The following WWOX variants were observed in gnomAD, a reference collection of about 807,000 sequenced individuals.
WWOX encodes WW domain containing oxidoreductase, also known as WW domain-containing oxidoreductase.
WWOX carries 69 observed loss-of-function variants against 46.2 expected under a neutral mutation model. That is an observed-to-expected ratio of 1.49 (90% CI 1.23 to 1.82). WWOX has a LOEUF of 1.82. Among genes scored for constraint, WWOX ranks in the 40% most tolerant of loss-of-function variants. The pLI is 0.00. For synonymous variants in WWOX, 359 were observed against 202.6 expected (o/e 1.77, Z -6.56); for missense variants, 919 against 542.6 (o/e 1.69, Z -6.89).
chr16:79,162,628 T>C (rs774953688), intron 8 of WWOX, among the ~76,000 whole-genome samples: 1 of 152,210 alleles, frequency 6.6e-6, no homozygotes, highest in Non-Finnish European at 1.5e-5. Flanking sequence ...GCAAACAGTT[T>C]GCCCTTGGAC....
intron 8 of WWOX, among the ~76,000 whole-genome samples, chr16:78,653,872 A>C (rs1024074316): frequency 1.3e-5 from 2 of 152,236 alleles, no homozygotes; most frequent in Non-Finnish European, 2.9e-5. Flanking sequence ...GGTTTGAATC[A>C]CGTTGTCTAT....
chr16:78,735,230 C>G (rs965740691), intron 8 of WWOX, among the ~76,000 whole-genome samples: 6 of 152,044 alleles, frequency 3.9e-5, no homozygotes, highest in African/African-American at 7.2e-5. Context: ...GTGTTTTGAT[C>G]TTGCTGGAGT....
chr16:78,713,875 G>C (rs965878334), intron 8 of WWOX, among the ~76,000 whole-genome samples: 6 of 152,188 alleles, frequency 3.9e-5, no homozygotes, highest in African/African-American at 1.4e-4. Context: ...GTCCTGATCT[G>C]AATATGATTT....
At chr16:78,280,703 A>G (rs1056695058) in intron 5 of WWOX, 2 of 152,150 alleles carry the variant, frequency 1.3e-5, no homozygotes, top group Non-Finnish European at 2.9e-5. Flanking sequence ...TTTCCTGTTT[A>G]GGAAAAAAAA....
intron 5 of WWOX, among the ~76,000 whole-genome samples, chr16:78,187,228 C>T (rs1597326894): frequency 6.6e-6 from 1 of 152,138 alleles, no homozygotes; most frequent in African/African-American, 2.4e-5. Context: ...TTTGCCCATC[C>T]AACCCACCCT....
intron 4 of WWOX, chr16:78,119,022 G>C (rs1362130791): frequency 6.6e-6 from 1 of 152,194 alleles, no homozygotes; most frequent in Non-Finnish European, 1.5e-5. Context: ...GTGGAGATCA[G>C]CATCTCAGTA....
At chr16:78,486,938 C>G (rs2084653045) in intron 8 of WWOX, among the ~76,000 whole-genome samples, 1 of 152,188 alleles carries the variant, frequency 6.6e-6, no homozygotes, top group Non-Finnish European at 1.5e-5. Context: ...CTAATGCAGG[C>G]TCATTCCTAA....
intron 8 of WWOX, among the ~76,000 whole-genome samples, chr16:79,093,616 G>C (rs531708090): frequency 6.6e-6 from 1 of 152,274 alleles, no homozygotes; most frequent in East Asian, 1.9e-4. Context: ...GGTGCAGGGT[G>C]GCCCATTGGC....
At chr16:78,181,526 T>A (rs1325157955) in intron 5 of WWOX, among the ~76,000 whole-genome samples, 2 of 152,150 alleles carry the variant, frequency 1.3e-5, no homozygotes, top group African/African-American at 2.4e-5. Context: ...TTAATGAAAC[T>A]AAGGCCGGAG....
chr16:78,509,425 C>T lies in WWOX; in HGVS notation c.1056+76673C>T, dbSNP rs112545609. 3.9e-3 allele frequency among the ~76,000 whole-genome samples: 534 copies of T among 137,258 alleles called. 3 individuals are homozygous for T. Among genetic ancestry groups the T allele is most frequent in the African/African-American group, 0.013 (510 of 37,972 alleles). The allele number at this position is 137,258 out of a possible 152,430, so 90.0% of individuals were successfully genotyped here. A position where few individuals can be genotyped will look rare whatever the true frequency, so the allele number is the denominator to read the frequency against. ...CTGCATTCCAGCATTGGTGACAGAG[C>T]GAGACTCAGTCTCAAAAAAAAAAAA... On this transcript the variant is annotated intron_variant, in intron 8 of 8. Transcript: ENST00000566780.
chr16:79,000,055 C>G (rs1249511716), intron 8 of WWOX, among the ~76,000 whole-genome samples: 1 of 152,088 alleles, frequency 6.6e-6, no homozygotes, highest in Non-Finnish European at 1.5e-5. Flanking sequence ...GCGAAAGGGT[C>G]TCTTCAGGCT....
chr16:78,882,837 A>AT (rs2044372200), intron 8 of WWOX, among the ~76,000 whole-genome samples: 1 of 151,978 alleles, frequency 6.6e-6, no homozygotes, highest in Non-Finnish European at 1.5e-5. Flanking sequence ...TAAAAAAAAA[A>AT]AAAAGGGCAT....
At chr16:79,042,791 C>G (rs1198405320) in intron 8 of WWOX, among the ~76,000 whole-genome samples, 3 of 144,608 alleles carry the variant, frequency 2.1e-5, no homozygotes. Flanking sequence ...GCACATTTGT[C>G]TAATATACTG....
At chr16:78,989,543 G>T (rs2046843518) in intron 8 of WWOX, among the ~76,000 whole-genome samples, 1 of 152,154 alleles carries the variant, frequency 6.6e-6, no homozygotes, top group African/African-American at 2.4e-5. Context: ...CTCCTGTGTG[G>T]TTCAGCTCTC....
intron 7 of WWOX, among the ~76,000 whole-genome samples, chr16:78,430,293 G>A (rs2083184572): frequency 6.6e-6 from 1 of 152,122 alleles, no homozygotes; most frequent in Admixed American, 6.5e-5. Flanking sequence ...CTTGACACAT[G>A]GGGGTTATTA....
intron 8 of WWOX, among the ~76,000 whole-genome samples, chr16:78,507,013 C>G (rs1011176771): frequency 6.6e-5 from 10 of 152,168 alleles, no homozygotes; most frequent in African/African-American, 2.2e-4. Flanking sequence ...CGTGCACGAC[C>G]TCAGGGTCCC....
intron 8 of WWOX, among the ~76,000 whole-genome samples, chr16:78,576,414 C>CT (rs1056590975): frequency 1.3e-5 from 2 of 152,140 alleles, no homozygotes; most frequent in Non-Finnish European, 2.9e-5. Flanking sequence ...CTCTTTGTTC[C>CT]TTTTGCACAC....
At chr16:78,977,344 A>G (rs2046592684) in intron 8 of WWOX, among the ~76,000 whole-genome samples, 2 of 152,142 alleles carry the variant, frequency 1.3e-5, no homozygotes, top group South Asian at 2.1e-4. Context: ...GAGGCCTGAG[A>G]TCCTCCAGAT....
chr16:78,450,162 A>G (rs2151409750), intron 8 of WWOX, among the ~76,000 whole-genome samples: 1 of 152,316 alleles, frequency 6.6e-6, no homozygotes, highest in East Asian at 1.9e-4. Flanking sequence ...TAATTTAGCA[A>G]AATTCAAATT....
Sources: allele counts gnomAD v4.1 joint callset (sites outside exome capture counted in the v4.1 genomes callset), GRCh38; gene constraint gnomAD v4.1.1; transcripts MANE v1.5; gene names NCBI Gene and HGNC (gene_info 2026-07-23, HGNC 2026-07-21).